The following MIPEP variants were observed in gnomAD, a reference collection of about 807,000 sequenced individuals.
MIPEP encodes mitochondrial intermediate peptidase.
Under a neutral mutation model 90.3 loss-of-function variants are expected in MIPEP, and 79 were observed. The observed-to-expected ratio is 0.87, with a 90% CI of 0.73 to 1.05. The LOEUF (loss-of-function observed/expected upper bound fraction) is 1.05. Among genes scored for constraint, MIPEP ranks in the 50% least tolerant of loss-of-function variants. The probability of loss-of-function intolerance (pLI) is 0.00; values close to 1 mark genes in which losing one functional copy is unlikely to be tolerated. For synonymous variants in MIPEP, 334 were observed against 315.8 expected (o/e 1.06, Z -0.61); for missense variants, 940 against 905.6 (o/e 1.04, Z -0.49).
chr13:23,794,030 G>C (rs1403424903), intron 16 of MIPEP, among the ~76,000 whole-genome samples: 1 of 152,164 alleles, frequency 6.6e-6, no homozygotes, highest in East Asian at 1.9e-4. Flanking sequence ...CTAATGTTGT[G>C]TGGATTTGAG....
intron 16 of MIPEP, among the ~76,000 whole-genome samples, chr13:23,782,496 G>C (rs1418179608): frequency 1.3e-5 from 2 of 152,144 alleles, no homozygotes; most frequent in Non-Finnish European, 2.9e-5. Context: ...GCCCACAAGA[G>C]AAAGCAGGAA....
intron 16 of MIPEP, among the ~76,000 whole-genome samples, chr13:23,775,597 T>A (rs1952706435): frequency 6.6e-6 from 1 of 152,214 alleles, no homozygotes. Flanking sequence ...AGGGTCTATG[T>A]GCATATATGT....
In MIPEP at chr13:23,889,201, C is replaced by A; in HGVS notation, c.120G>T (p.Trp40Cys). The A allele has an allele frequency of 6.8e-7, 1 of 1,461,276 alleles. No individual in the cohort carries two copies. Among genetic ancestry groups the A allele is most frequent in the South Asian group, 1.4e-5 (1 of 73,224 alleles). The allele number at this position is 1,461,276 out of a possible 1,614,324, so 90.5% of individuals were successfully genotyped here. ...GIRARRVSTS[W>C]SPVGAAFNVK... ...CATTGAAGGCGGCGCCCACGGGAGA[C>A]CAGCTGGTGCTGACCCTTCGGGCCC... The change falls in exon 1 of 19, where the codon TGG becomes TGT. Residue 40 changes from tryptophan to cysteine, a missense_variant. Coordinates refer to ENST00000382172, the MANE Select transcript of MIPEP (RefSeq NM_005932.4).
chr13:23,760,204 C>A lies in MIPEP; in HGVS notation c.1862G>T (p.Arg621Leu). ...PYVPNTAWQL[R>L]FSHLVGYGAR... The stretch of plus-strand genomic sequence containing the variant: ...ACCATACCCCACGAGGTGGCTGAAT[C>A]GCAGCTGCCAGGCCTGCCAAGAACA... Residue 621 changes from arginine to leucine, a missense_variant, in exon 17 of 19, where the codon CGA (arginine) becomes CTA (leucine). Transcript: ENST00000382172. 1 of 1,614,036 alleles carries A rather than the reference C, an allele frequency of 6.2e-7. No homozygotes were observed. Among genetic ancestry groups the A allele is most frequent in the East Asian group, 2.2e-5 (1 of 44,874 alleles).
Position 23,841,317 on chromosome 13 carries a change from TGAGCAGGAG to T in MIPEP, c.1260+9_1260+17del. On this transcript the variant is annotated intron_variant, in intron 11 of 18. Coordinates refer to ENST00000382172, the MANE Select transcript of MIPEP (RefSeq NM_005932.4). ...AAGGTAAATGCCTGCAACTGCAGGC[TGAGCAGGAG>T]GAGCTCACCAGTTTTCGGACATCTT... 6.3e-7 allele frequency: 1 copy of T among 1,596,280 alleles called. No individual in the cohort carries two copies. The highest frequency in any genetic ancestry group is 8.5e-7 in the Non-Finnish European group (1 of 1,174,112).
intron 14 of MIPEP, among the ~76,000 whole-genome samples, chr13:23,823,487 T>G (rs1162298264): frequency 6.6e-6 from 1 of 152,192 alleles, no homozygotes; most frequent in African/African-American, 2.4e-5. Context: ...AGTCCTACGT[T>G]ATGACTGCCA....
At chr13:23,843,010 T>C (rs1415134289) in intron 10 of MIPEP, among the ~76,000 whole-genome samples, 4 of 149,864 alleles carry the variant, frequency 2.7e-5, no homozygotes, top group African/African-American at 7.4e-5. Flanking sequence ...AGGCAGAGAA[T>C]TGCTTGAACC....
intron 16 of MIPEP, among the ~76,000 whole-genome samples, chr13:23,792,077 T>G (rs1952902576): frequency 6.6e-6 from 1 of 152,196 alleles, no homozygotes; most frequent in South Asian, 2.1e-4. Context: ...TCCCTCTCAA[T>G]TCACCTTTTT....
intron 10 of MIPEP, among the ~76,000 whole-genome samples, chr13:23,856,756 T>C (rs1342545555): frequency 6.6e-6 from 1 of 152,114 alleles, no homozygotes; most frequent in African/African-American, 2.4e-5. Flanking sequence ...AGAAAACAAG[T>C]CCTGCTGATC....
chr13:23,748,112 C>G (rs1280046424), intron 18 of MIPEP, among the ~76,000 whole-genome samples: 3 of 152,234 alleles, frequency 2.0e-5, no homozygotes, highest in Non-Finnish European at 4.4e-5. Flanking sequence ...GTGATCTTGG[C>G]TCACTGCAAC....
At chr13:23,818,330 G>T (rs1302467253) in intron 14 of MIPEP, among the ~76,000 whole-genome samples, 1 of 152,158 alleles carries the variant, frequency 6.6e-6, no homozygotes, top group African/African-American at 2.4e-5. Flanking sequence ...TGAGGCATGA[G>T]AATCGCTGGA....
At chr13:23,752,940 G>A (rs1001215376) in intron 18 of MIPEP, among the ~76,000 whole-genome samples, 1 of 152,104 alleles carries the variant, frequency 6.6e-6, no homozygotes, top group African/African-American at 2.4e-5. Flanking sequence ...AAAAAGAAGT[G>A]CTTTGGGCCA....
At chr13:23,845,196 A>G (rs1476641358) in intron 10 of MIPEP, among the ~76,000 whole-genome samples, 1 of 152,258 alleles carries the variant, frequency 6.6e-6, no homozygotes, top group Admixed American at 6.5e-5. Context: ...TCATAAAAAT[A>G]TAACTTGGAA....
intron 10 of MIPEP, among the ~76,000 whole-genome samples, chr13:23,852,429 G>A (rs1436311015): frequency 6.6e-6 from 1 of 152,182 alleles, no homozygotes; most frequent in East Asian, 1.9e-4. Context: ...TCACAAGCCA[G>A]GTAACAACAC....
chr13:23,799,493 A>AT (rs1308206835), intron 16 of MIPEP, among the ~76,000 whole-genome samples: 1 of 150,998 alleles, frequency 6.6e-6, no homozygotes, highest in Non-Finnish European at 1.5e-5. Flanking sequence ...CGCCTGGCTA[A>AT]TTTTTTGTAT....
chr13:23,733,598 T>A (rs1366239727), intron 18 of MIPEP, among the ~76,000 whole-genome samples: 1 of 152,146 alleles, frequency 6.6e-6, no homozygotes, highest in Non-Finnish European at 1.5e-5. Flanking sequence ...GCAGATGTGA[T>A]CATCCCACCA....
chr13:23,753,727 A>G (rs866788638), intron 18 of MIPEP, among the ~76,000 whole-genome samples: 2 of 152,346 alleles, frequency 1.3e-5, no homozygotes, highest in Middle Eastern at 3.4e-3. Context: ...AGGACTAGAA[A>G]TGGCCGAGGG....
At chr13:23,793,934 G>A (rs1289725125) in intron 16 of MIPEP, among the ~76,000 whole-genome samples, 1 of 152,098 alleles carries the variant, frequency 6.6e-6, no homozygotes, top group African/African-American at 2.4e-5. Context: ...AAAGGACTCT[G>A]GCCTTTAGCT....
At chr13:23,859,773 G>A (rs1462374164) in intron 9 of MIPEP, among the ~76,000 whole-genome samples, 1 of 152,204 alleles carries the variant, frequency 6.6e-6, no homozygotes, top group African/African-American at 2.4e-5. Context: ...CTGGCATTGA[G>A]TAAGGGCTCA....
Sources: allele counts gnomAD v4.1 joint callset (sites outside exome capture counted in the v4.1 genomes callset), GRCh38; gene constraint gnomAD v4.1.1; transcripts MANE v1.5; gene names NCBI Gene and HGNC (gene_info 2026-07-23, HGNC 2026-07-21).